Variants in TRPM3 observed in about 807,000 individuals in gnomAD.
TRPM3 encodes transient receptor potential cation channel subfamily M member 3.
TRPM3 carries 77 observed loss-of-function variants against 181.2 expected under a neutral mutation model. The observed-to-expected ratio is 0.42, with a 90% CI of 0.35 to 0.51. The LOEUF is 0.51. TRPM3 is among the 20% of genes least tolerant of loss of function. The pLI, the probability that TRPM3 is intolerant of heterozygous loss-of-function variation, is 0.01. For synonymous variants in TRPM3, 745 were observed against 796.4 expected (o/e 0.94, Z 1.09); for missense variants, 1,759 against 2,196.7 (o/e 0.80, Z 3.98).
At chr9:70,610,821 C>A in intron 18 of TRPM3, 72 bp from the exon 19 acceptor site, 2 of 1,564,474 alleles carry the variant, frequency 1.3e-6, no homozygotes, top group Non-Finnish European at 1.7e-6. Context: ...GCTTACTTTA[C>A]AGATGAGGAA....
intron 6 of TRPM3, chr9:70,809,947 T>A: frequency 1.9e-6 from 1 of 534,516 alleles, no homozygotes; most frequent in Admixed American, 1.9e-5. Context: ...CCAATGCATT[T>A]GATGATGGTG....
At chr9:71,153,498 C>T (rs1044391479) in intron 1 of TRPM3, among the ~76,000 whole-genome samples, 5 of 151,862 alleles carry the variant, frequency 3.3e-5, no homozygotes, top group Non-Finnish European at 7.4e-5. Flanking sequence ...GCCATGTTGG[C>T]CAGGCTGGTC....
intron 1 of TRPM3, among the ~76,000 whole-genome samples, chr9:71,261,698 T>A (rs2083066953): frequency 6.6e-6 from 1 of 152,236 alleles, no homozygotes; most frequent in African/African-American, 2.4e-5. Flanking sequence ...ATGGTCATCC[T>A]TTTTGTTCAT....
At chr9:71,046,150 T>C (rs1012803418) in intron 1 of TRPM3, among the ~76,000 whole-genome samples, 3 of 152,018 alleles carry the variant, frequency 2.0e-5, no homozygotes, top group Admixed American at 2.0e-4. Flanking sequence ...CACGCCCGGC[T>C]AATTTTTTGT....
At chr9:71,197,116 C>T (rs922061780) in intron 1 of TRPM3, among the ~76,000 whole-genome samples, 1 of 151,982 alleles carries the variant, frequency 6.6e-6, no homozygotes, top group South Asian at 2.1e-4. Context: ...TGAGAACATG[C>T]GATGTTTGGT....
chr9:70,907,429 T>C (rs897476579), intron 1 of TRPM3, among the ~76,000 whole-genome samples: 1 of 152,230 alleles, frequency 6.6e-6, no homozygotes, highest in Non-Finnish European at 1.5e-5. Flanking sequence ...TGCTGTGTAG[T>C]GTTCCCAAGT....
At chr9:71,037,560 A>G (rs1205939927) in intron 1 of TRPM3, among the ~76,000 whole-genome samples, 2 of 152,252 alleles carry the variant, frequency 1.3e-5, no homozygotes, top group African/African-American at 2.4e-5. Flanking sequence ...TTGCCCATCC[A>G]TTCAGCACAG....
At chr9:71,378,571 A>G (rs1251023952) in intron 1 of TRPM3, among the ~76,000 whole-genome samples, 3 of 152,038 alleles carry the variant, frequency 2.0e-5, no homozygotes, top group Non-Finnish European at 4.4e-5. Context: ...CACAGACACC[A>G]CACCAAGTTC....
intron 1 of TRPM3, among the ~76,000 whole-genome samples, chr9:71,012,298 A>G (rs1590628800): frequency 6.6e-6 from 1 of 152,238 alleles, no homozygotes; most frequent in East Asian, 1.9e-4. Context: ...TTCAGATATT[A>G]CATTTCCATA....
chr9:70,606,778 A>G (rs1361821160), intron 19 of TRPM3, among the ~76,000 whole-genome samples: 1 of 152,090 alleles, frequency 6.6e-6, no homozygotes, highest in Non-Finnish European at 1.5e-5. Flanking sequence ...GTATTTTATT[A>G]ACATATATTC....
chr9:70,535,502 A>T lies in TRPM3; in HGVS notation c.*451T>A. ...CAATGTGAAAAGAAAACAGAATGGA[A>T]GTTTAGAATATCTCATTGTGTACGC... On this transcript the variant is annotated 3_prime_UTR_variant, in exon 26 of 26. Transcript: ENST00000677713. 1.3e-6 allele frequency: 2 copies of T among 1,550,292 alleles called. No individual in the cohort carries two copies. The highest frequency in any genetic ancestry group is 2.0e-5 in the Admixed American group (1 of 50,960).
chr9:71,410,918 T>C (rs2093535343), intron 1 of TRPM3, among the ~76,000 whole-genome samples: 1 of 152,202 alleles, frequency 6.6e-6, no homozygotes, highest in Non-Finnish European at 1.5e-5. Flanking sequence ...TCAAGTTGGC[T>C]TCATCCCTGG....
At chr9:71,305,599 G>A (rs2087218643) in intron 1 of TRPM3, among the ~76,000 whole-genome samples, 1 of 152,146 alleles carries the variant, frequency 6.6e-6, no homozygotes, top group South Asian at 2.1e-4. Flanking sequence ...AAAATGTTTT[G>A]TTTTGCTTAT....
At chr9:71,401,881 T>G (rs1227711055) in intron 1 of TRPM3, among the ~76,000 whole-genome samples, 3 of 152,162 alleles carry the variant, frequency 2.0e-5, no homozygotes, top group African/African-American at 7.2e-5. Context: ...TGAGCAGCCT[T>G]CAGGCAGAGA....
chr9:71,274,143 A>G (rs1230735086), intron 1 of TRPM3, among the ~76,000 whole-genome samples: 1 of 152,158 alleles, frequency 6.6e-6, no homozygotes, highest in African/African-American at 2.4e-5. Context: ...AAAGCCTCAG[A>G]CCACTTCCAC....
chr9:70,823,401 TTC>T (rs2093336964), intron 6 of TRPM3, among the ~76,000 whole-genome samples: 1 of 11,654 alleles, frequency 8.6e-5, no homozygotes, highest in East Asian at 1.8e-3. Flanking sequence ...TTACCAAGCT[TTC>T]CCCCGCTCCT....
intron 9 of TRPM3, among the ~76,000 whole-genome samples, chr9:70,646,873 T>TCC (rs1179884113): frequency 1.7e-5 from 1 of 59,262 alleles, no homozygotes; most frequent in South Asian, 6.4e-4. Flanking sequence ...CCCATGGAAG[T>TCC]ACAAAAAAAA....
chr9:70,771,032 A>T (rs2080150819), intron 7 of TRPM3, among the ~76,000 whole-genome samples: 1 of 152,312 alleles, frequency 6.6e-6, no homozygotes, highest in Admixed American at 6.5e-5. Context: ...CGGACAGCTC[A>T]TTAGCTCTTG....
intron 22 of TRPM3, among the ~76,000 whole-genome samples, chr9:70,576,587 TCA>T (rs2132267645): frequency 6.6e-6 from 1 of 151,214 alleles, no homozygotes; most frequent in South Asian, 2.1e-4. Context: ...CGATCTCGGC[TCA>T]CTGCAACCTC....
Sources: gnomAD v4.1 joint callset for allele counts (sites outside exome capture counted in the v4.1 genomes callset) on GRCh38, gnomAD v4.1.1 for gene constraint, MANE v1.5 for transcripts, NCBI Gene and HGNC (gene_info 2026-07-23, HGNC 2026-07-21) for gene names.